ADCY5: variants seen among roughly 807,000 people sequenced by gnomAD.
ADCY5 encodes adenylate cyclase type 5.
ADCY5 carries 30 observed loss-of-function variants against 119.7 expected under a neutral mutation model. The observed-to-expected ratio is 0.25, with a 90% CI of 0.19 to 0.34. The LOEUF (loss-of-function observed/expected upper bound fraction) is 0.34. Ranked by LOEUF, ADCY5 falls within the 10% of genes least tolerant of loss-of-function variation. The pLI is 1.00. For missense variants in ADCY5, 1,324 were observed against 1,775.2 expected (o/e 0.75, Z 4.57); for synonymous variants, 753 against 762.2 (o/e 0.99, Z 0.20).
intron 2 of ADCY5, among the ~76,000 whole-genome samples, chr3:123,349,096 C>T (rs1289991551): frequency 6.6e-6 from 1 of 152,200 alleles, no homozygotes. Flanking sequence ...TCCCTACCTC[C>T]CGTCCATGGC....
intron 3 of ADCY5, among the ~76,000 whole-genome samples, chr3:123,335,872 T>C (rs1023055877): frequency 3.9e-5 from 6 of 151,958 alleles, no homozygotes; most frequent in Non-Finnish European, 5.9e-5. Context: ...GCCACTTCAA[T>C]AGAACAACCA....
intron 19 of ADCY5, among the ~76,000 whole-genome samples, chr3:123,289,028 C>A (rs780256387): frequency 1.3e-5 from 2 of 152,214 alleles, no homozygotes; most frequent in Non-Finnish European, 2.9e-5. Flanking sequence ...AATAACCCCA[C>A]TGACCCATTT....
At chr3:123,387,570 C>G (rs899809138) in intron 1 of ADCY5, among the ~76,000 whole-genome samples, 1 of 152,216 alleles carries the variant, frequency 6.6e-6, no homozygotes, top group Non-Finnish European at 1.5e-5. Flanking sequence ...CAGAGAAGCT[C>G]ATCTCTTACC....
chr3:123,371,087 T>C (rs566673449), intron 1 of ADCY5, among the ~76,000 whole-genome samples: 7 of 152,234 alleles, frequency 4.6e-5, no homozygotes, highest in African/African-American at 7.2e-5. Flanking sequence ...GGCCAGACTC[T>C]GCACGGTAAC....
intron 1 of ADCY5, among the ~76,000 whole-genome samples, chr3:123,359,331 A>ATATATATATATATATATATATATAT (rs1943154404): frequency 9.1e-6 from 1 of 109,766 alleles, no homozygotes; most frequent in African/African-American, 3.7e-5. Context: ...CTTATACTAA[A>ATATATATATATATATATATATATAT]ATATATATAT....
intron 1 of ADCY5, among the ~76,000 whole-genome samples, chr3:123,364,317 T>C (rs140181452): frequency 0.014 from 2,100 of 152,040 alleles, 29 homozygotes; most frequent in East Asian, 0.024. Flanking sequence ...AAAATGAGAA[T>C]GAAAATGCCT....
At chr3:123,416,032 C>CA (rs1404297384) in intron 1 of ADCY5, among the ~76,000 whole-genome samples, 4 of 151,992 alleles carry the variant, frequency 2.6e-5, no homozygotes, top group Non-Finnish European at 5.9e-5. Context: ...TGTTCCATAC[C>CA]AAAAAATCCA....
intron 10 of ADCY5, 44 bp from the exon 11 acceptor site, chr3:123,318,161 C>T (rs749565370): frequency 6.6e-7 from 1 of 1,505,070 alleles, no homozygotes; most frequent in Non-Finnish European, 9.2e-7. Flanking sequence ...GGTACCTGGC[C>T]CGGTCTGCTC....
chr3:123,392,840 A>C (rs58323965), intron 1 of ADCY5, among the ~76,000 whole-genome samples: 21,584 of 101,448 alleles, frequency 0.21, 1,667 homozygotes, highest in East Asian at 0.45. Context: ...TCATCCTCCC[A>C]CATAGGACAG....
chr3:123,406,085 G>C (rs760632048), intron 1 of ADCY5, among the ~76,000 whole-genome samples: 5 of 152,222 alleles, frequency 3.3e-5, no homozygotes, highest in African/African-American at 9.6e-5. Flanking sequence ...CCAATCCAGA[G>C]GCCATACTCC....
At chr3:123,337,299 G>T (rs1035850048) in intron 3 of ADCY5, among the ~76,000 whole-genome samples, 11 of 152,138 alleles carry the variant, frequency 7.2e-5, no homozygotes, top group Admixed American at 2.0e-4. Context: ...GCCTGGATGC[G>T]GCGGGCCATG....
intron 11 of ADCY5, among the ~76,000 whole-genome samples, chr3:123,315,785 G>A (rs1002658096): frequency 1.9e-4 from 29 of 152,160 alleles, no homozygotes; most frequent in Non-Finnish European, 2.1e-4. Context: ...CATTTCTGCT[G>A]TGTTGGCCAG....
At chr3:123,370,580 C>T (rs578047000) in intron 1 of ADCY5, among the ~76,000 whole-genome samples, 7 of 152,322 alleles carry the variant, frequency 4.6e-5, no homozygotes, top group Non-Finnish European at 1.0e-4. Flanking sequence ...AGGATAATGT[C>T]CTTAGAAGTG....
chr3:123,375,914 A>G (rs62265765), intron 1 of ADCY5, among the ~76,000 whole-genome samples: 37,656 of 151,844 alleles, frequency 0.25, 4,955 homozygotes, highest in African/African-American at 0.33. Flanking sequence ...AAGGCAGCCC[A>G]CAGTCCCAGA....
intron 1 of ADCY5, among the ~76,000 whole-genome samples, chr3:123,359,705 G>A (rs531323760): frequency 6.6e-6 from 1 of 152,302 alleles, no homozygotes; most frequent in East Asian, 1.9e-4. Context: ...CCCAAGCTCT[G>A]GGCAGTAGAA....
intron 1 of ADCY5, among the ~76,000 whole-genome samples, chr3:123,444,685 T>C (rs993202541): frequency 7.9e-5 from 12 of 151,912 alleles, no homozygotes; most frequent in African/African-American, 2.7e-4. Flanking sequence ...AATACACAGG[T>C]CAGATAATGA....
chr3:123,309,753 C>T (rs1277779468), intron 12 of ADCY5, among the ~76,000 whole-genome samples: 1 of 152,106 alleles, frequency 6.6e-6, no homozygotes, highest in Non-Finnish European at 1.5e-5. Context: ...AGGAATGTGT[C>T]CCCTGAGCAT....
chr3:123,413,572 A>C (rs1465551999), intron 1 of ADCY5, among the ~76,000 whole-genome samples: 1 of 152,218 alleles, frequency 6.6e-6, no homozygotes, highest in Non-Finnish European at 1.5e-5. Context: ...CCAGCAAACA[A>C]ATCCCAGAGC....
intron 15 of ADCY5, among the ~76,000 whole-genome samples, chr3:123,299,815 G>GT (rs1372598576): frequency 6.6e-6 from 1 of 152,340 alleles, no homozygotes; most frequent in African/African-American, 2.4e-5. Context: ...CTGCTGGACC[G>GT]TGACTCCTCT....
Sources: allele counts gnomAD v4.1 joint callset (sites outside exome capture counted in the v4.1 genomes callset), GRCh38; gene constraint gnomAD v4.1.1; transcripts MANE v1.5; gene names NCBI Gene and HGNC (gene_info 2026-07-23, HGNC 2026-07-21).